HS6ST3: variants seen among roughly 807,000 people sequenced by gnomAD.
HS6ST3 encodes the protein heparan-sulfate 6-O-sulfotransferase 3.
HS6ST3 carries 12 observed loss-of-function variants against 36.7 expected under a neutral mutation model. The ratio of observed to expected loss-of-function variants is 0.33; its 90% CI spans 0.21 to 0.53. The LOEUF (loss-of-function observed/expected upper bound fraction) is 0.53. Ranked by LOEUF, HS6ST3 falls within the 20% of genes least tolerant of loss-of-function variation. The probability of loss-of-function intolerance (pLI) is 0.95; values close to 1 mark genes in which losing one functional copy is unlikely to be tolerated. For missense variants in HS6ST3, 584 were observed against 640.9 expected, an observed-to-expected ratio of 0.91 and a Z score of 0.96; for synonymous variants, 240 against 257.5, an observed-to-expected ratio of 0.93 and a Z score of 0.65.
rs530295649 is a variant in HS6ST3, at chr13:96,668,188, A to G, written c.708-164302A>G. 2.2e-4 allele frequency among the ~76,000 whole-genome samples: 34 copies of G among 151,968 alleles called. No individual in the cohort carries two copies. In the South Asian group the frequency reaches 5.8e-3, roughly 26 times the overall value. On this transcript the variant is annotated intron_variant, in intron 1 of 1. Coordinates refer to ENST00000376705, the MANE Select transcript of HS6ST3 (RefSeq NM_153456.4). Reference sequence around the variant, plus strand: ...CACACGCATACACACACACACACACACGCACACACACACAGCTGGTGAAGA... The same window carrying G: ...CACACGCATACACACACACACACACGCGCACACACACACAGCTGGTGAAGA...
intron 1 of HS6ST3, among the ~76,000 whole-genome samples, chr13:96,176,018 G>A (rs183029594): frequency 1.3e-5 from 2 of 151,800 alleles, no homozygotes; most frequent in East Asian, 1.9e-4. Flanking sequence ...TAGTAGAGAC[G>A]GGGTTTTACC....
chr13:96,724,847 G>C (rs1261443428), intron 1 of HS6ST3, among the ~76,000 whole-genome samples: 1 of 152,152 alleles, frequency 6.6e-6, no homozygotes, highest in Non-Finnish European at 1.5e-5. Context: ...TCCAAGCCCT[G>C]CATGAACATA....
At chr13:96,190,430 C>T (rs1326627245) in intron 1 of HS6ST3, among the ~76,000 whole-genome samples, 1 of 152,138 alleles carries the variant, frequency 6.6e-6, no homozygotes. Flanking sequence ...TCTCTAGTAC[C>T]TCATATTGAA....
rs549444427 is a variant in HS6ST3, at chr13:96,571,295, CA to C, written c.708-261194del. Among the ~76,000 whole-genome samples the C allele has an allele frequency of 1.4e-4, 21 of 152,302 alleles. No homozygotes were observed. The East Asian group carries it at 4.1e-3, about 29-fold the overall frequency. Reference sequence around the variant, plus strand: ...GACCATCCTGCATGTGCATGCAAATCAGTGGAACATGTTGGTTTTTCGTCGT... The same window carrying C: ...GACCATCCTGCATGTGCATGCAAATCGTGGAACATGTTGGTTTTTCGTCGT... On this transcript the variant is annotated intron_variant, in intron 1 of 1. Coordinates refer to ENST00000376705, the MANE Select transcript of HS6ST3 (RefSeq NM_153456.4).
At chr13:96,716,387 T>C (rs1199816618) in intron 1 of HS6ST3, among the ~76,000 whole-genome samples, 1 of 152,164 alleles carries the variant, frequency 6.6e-6, no homozygotes, top group African/African-American at 2.4e-5. Flanking sequence ...TTTGGCTTTA[T>C]ATTAAACAGT....
At chr13:96,353,142 C>G (rs575663500) in intron 1 of HS6ST3, among the ~76,000 whole-genome samples, 27 of 139,110 alleles carry the variant, frequency 1.9e-4, no homozygotes, top group African/African-American at 7.2e-4. Flanking sequence ...CAACCTCTGT[C>G]TCCCAGGTTC....
chr13:96,770,143 A>G (rs1877226244), intron 1 of HS6ST3, among the ~76,000 whole-genome samples: 1 of 152,184 alleles, frequency 6.6e-6, no homozygotes, highest in South Asian at 2.1e-4. Context: ...CAGCTTGTAA[A>G]TTATGGGCCA....
chr13:96,750,054 A>G (rs2138491463), intron 1 of HS6ST3, among the ~76,000 whole-genome samples: 1 of 152,300 alleles, frequency 6.6e-6, no homozygotes, highest in Admixed American at 6.5e-5. Context: ...AGAGATCTTG[A>G]ACACACATTT....
At chr13:96,316,189 C>T (rs933119308) in intron 1 of HS6ST3, among the ~76,000 whole-genome samples, 10 of 151,796 alleles carry the variant, frequency 6.6e-5, no homozygotes, top group Non-Finnish European at 1.2e-4. Flanking sequence ...TACACATACA[C>T]ATATATGCAT....
intron 1 of HS6ST3, among the ~76,000 whole-genome samples, chr13:96,488,720 G>A (rs1265310967): frequency 6.6e-6 from 1 of 152,018 alleles, no homozygotes; most frequent in Non-Finnish European, 1.5e-5. Context: ...ACTGCCATCT[G>A]CATGATAGTT....
chr13:96,724,062 C>T (rs1017308837), intron 1 of HS6ST3, among the ~76,000 whole-genome samples: 7 of 152,026 alleles, frequency 4.6e-5, no homozygotes, highest in African/African-American at 9.7e-5. Flanking sequence ...TCATATTCTT[C>T]GTCCCAGCAG....
intron 1 of HS6ST3, among the ~76,000 whole-genome samples, chr13:96,177,786 TAAATA>T (rs1271374744): frequency 4.6e-5 from 7 of 151,284 alleles, no homozygotes; most frequent in Non-Finnish European, 5.9e-5. Context: ...TAAAAATAAA[TAAATA>T]AATAAAATTA....
intron 1 of HS6ST3, among the ~76,000 whole-genome samples, chr13:96,810,013 G>A (rs1407617850): frequency 6.6e-6 from 1 of 152,054 alleles, no homozygotes. Flanking sequence ...CAGGACTAAG[G>A]AAAAAAGTGC....
At chr13:96,630,066 A>G (rs961037367) in intron 1 of HS6ST3, among the ~76,000 whole-genome samples, 4 of 152,216 alleles carry the variant, frequency 2.6e-5, no homozygotes, top group Non-Finnish European at 5.9e-5. Flanking sequence ...AAAAACTTTT[A>G]ATACATTCAC....
chr13:96,650,971 T>C (rs1054225946), intron 1 of HS6ST3, among the ~76,000 whole-genome samples: 2 of 152,086 alleles, frequency 1.3e-5, no homozygotes, highest in Non-Finnish European at 2.9e-5. Flanking sequence ...TCTAATCCAT[T>C]CTTTTTCTCA....
chr13:96,373,590 A>G (rs1220926652), intron 1 of HS6ST3, among the ~76,000 whole-genome samples: 2 of 152,206 alleles, frequency 1.3e-5, no homozygotes, highest in African/African-American at 4.8e-5. Flanking sequence ...CATTACTTGC[A>G]TTCCCCACCA....
intron 1 of HS6ST3, among the ~76,000 whole-genome samples, chr13:96,157,230 A>C (rs2054114726): frequency 6.6e-6 from 1 of 152,198 alleles, no homozygotes; most frequent in African/African-American, 2.4e-5. Flanking sequence ...TGGTTTCTCC[A>C]GTTTTCAGTT....
rs543860657 is a variant in HS6ST3, at chr13:96,776,501, A to G, written c.708-55989A>G. Among the ~76,000 whole-genome samples the G allele has an allele frequency of 7.2e-5, 11 of 152,306 alleles. No homozygotes were observed. The South Asian group carries it at 2.3e-3, about 32-fold the overall frequency. On this transcript the variant is annotated intron_variant, in intron 1 of 1. Transcript: ENST00000376705. ...TCAAATAGACACAATAAAAAATGAT[A>G]AAGGGGATATCACCACTGATCCCAC...
At chr13:96,205,954 T>A (rs759965604) in intron 1 of HS6ST3, among the ~76,000 whole-genome samples, 1 of 152,164 alleles carries the variant, frequency 6.6e-6, no homozygotes, top group Non-Finnish European at 1.5e-5. Flanking sequence ...ATATTGGAAG[T>A]TCTGGCCAGG....
Sources: allele counts gnomAD v4.1 joint callset (sites outside exome capture counted in the v4.1 genomes callset), GRCh38; gene constraint gnomAD v4.1.1; transcripts MANE v1.5; gene names NCBI Gene and HGNC (gene_info 2026-07-23, HGNC 2026-07-21).